The following CNNM1 variants were observed in gnomAD, a reference collection of about 807,000 sequenced individuals.
The protein encoded by CNNM1 is cyclin and CBS domain divalent metal cation transport mediator 1.
CNNM1 carries 44 observed loss-of-function variants against 78.8 expected under a neutral mutation model. The observed-to-expected ratio is 0.56, with a 90% CI of 0.44 to 0.72. CNNM1 has a LOEUF of 0.72. Among genes scored for constraint, CNNM1 ranks in the 30% least tolerant of loss-of-function variants. The pLI, the probability that CNNM1 is intolerant of heterozygous loss-of-function variation, is 0.00. For missense variants in CNNM1, 1,101 were observed against 1,292.2 expected (o/e 0.85, Z 2.27); for synonymous variants, 584 against 581.5 (o/e 1.00, Z -0.06).
intron 6 of CNNM1, among the ~76,000 whole-genome samples, chr10:99,367,261 C>A (rs1038912620): frequency 6.6e-6 from 1 of 152,162 alleles, no homozygotes; most frequent in African/African-American, 2.4e-5. Context: ...AGCCCCGTCC[C>A]CCTATGCTTG....
At chr10:99,390,227 T>G (rs1213766647) in intron 9 of CNNM1, 79 bp from the exon 10 acceptor site, 3 of 1,014,312 alleles carry the variant, frequency 3.0e-6, no homozygotes, top group Non-Finnish European at 4.5e-6. Context: ...CTGAGGGATG[T>G]CATCACTCAG....
In CNNM1 at chr10:99,391,859, C is replaced by G; in HGVS notation, c.*343C>G. The G allele has an allele frequency of 4.3e-6, 1 of 230,774 alleles. No homozygotes were observed. The highest frequency in any genetic ancestry group is 8.6e-6 in the Non-Finnish European group (1 of 116,866). 14.3% of individuals were successfully genotyped at this position (230,774 alleles called of 1,614,324 possible). A position where few individuals can be genotyped will look rare whatever the true frequency, so the allele number is the denominator to read the frequency against. On this transcript the variant is annotated 3_prime_UTR_variant, in exon 11 of 11. Coordinates refer to ENST00000356713, the MANE Select transcript of CNNM1 (RefSeq NM_020348.3). ...GATGCTCTTCTTTGTTCTTTGGGTC[C>G]CCTGATGCCATAGGAGACCTATCGT...
intron 2 of CNNM1, among the ~76,000 whole-genome samples, chr10:99,359,038 A>T (rs1479521130): frequency 1.8e-5 from 2 of 113,388 alleles, no homozygotes; most frequent in African/African-American, 3.1e-5. Flanking sequence ...AAAAAAAAAA[A>T]TCCCAGGTGT....
At chr10:99,356,505 A>G (rs1268456311) in intron 1 of CNNM1, among the ~76,000 whole-genome samples, 1 of 149,364 alleles carries the variant, frequency 6.7e-6, no homozygotes, top group Admixed American at 6.7e-5. Flanking sequence ...AGAGAGAGAG[A>G]GAGAGAAAGA....
chr10:99,364,754 T>A (rs1404755326), intron 5 of CNNM1, among the ~76,000 whole-genome samples: 1 of 152,198 alleles, frequency 6.6e-6, no homozygotes, highest in Non-Finnish European at 1.5e-5. Flanking sequence ...TATTGTCAAG[T>A]GTTAGGGATC....
chr10:99,356,415 G>A (rs2031148326), intron 1 of CNNM1, among the ~76,000 whole-genome samples: 1 of 151,686 alleles, frequency 6.6e-6, no homozygotes, highest in Non-Finnish European at 1.5e-5. Context: ...GGCGGAGGTT[G>A]CAGTGAGCTG....
intron 1 of CNNM1, among the ~76,000 whole-genome samples, chr10:99,350,960 G>A (rs2030922899): frequency 6.6e-6 from 1 of 152,222 alleles, no homozygotes. Context: ...CCCAAGTTGT[G>A]ACAACCAGAT....
chr10:99,376,339 A>G (rs1163733409), intron 6 of CNNM1, among the ~76,000 whole-genome samples: 1 of 152,232 alleles, frequency 6.6e-6, no homozygotes, highest in Non-Finnish European at 1.5e-5. Flanking sequence ...CATGGTTGCT[A>G]TGAACATTTG....
intron 7 of CNNM1, among the ~76,000 whole-genome samples, chr10:99,381,691 G>A (rs780614404): frequency 1.3e-5 from 2 of 150,998 alleles, no homozygotes; most frequent in Non-Finnish European, 2.9e-5. Flanking sequence ...GCGGTGAGCC[G>A]AGATCGGCGC....
intron 1 of CNNM1, among the ~76,000 whole-genome samples, chr10:99,333,803 T>A (rs2030040063): frequency 6.6e-6 from 1 of 152,206 alleles, no homozygotes. Flanking sequence ...ACACACTGCC[T>A]TGTAAATAGT....
chr10:99,346,873 G>A (rs2030718096), intron 1 of CNNM1, among the ~76,000 whole-genome samples: 2 of 151,896 alleles, frequency 1.3e-5, no homozygotes, highest in Middle Eastern at 3.4e-3. Flanking sequence ...GCCTCCCAAA[G>A]TGCTGGGATT....
intron 7 of CNNM1, among the ~76,000 whole-genome samples, chr10:99,381,695 TC>T (rs2032166487): frequency 6.7e-6 from 1 of 150,036 alleles, no homozygotes; most frequent in South Asian, 2.1e-4. Flanking sequence ...TGAGCCGAGA[TC>T]GGCGCCACTG....
intron 1 of CNNM1, among the ~76,000 whole-genome samples, chr10:99,347,338 G>A (rs2030738289): frequency 6.6e-6 from 1 of 151,824 alleles, no homozygotes; most frequent in South Asian, 2.1e-4. Context: ...GGCCAAGATG[G>A]TGAAACCCCA....
At chr10:99,384,829 G>T (rs2032259346) in intron 7 of CNNM1, among the ~76,000 whole-genome samples, 1 of 152,142 alleles carries the variant, frequency 6.6e-6, no homozygotes, top group Non-Finnish European at 1.5e-5. Flanking sequence ...ACTTTGGGAG[G>T]CTGAGGAGGG....
At chr10:99,348,608 G>T (rs1250689453) in intron 1 of CNNM1, among the ~76,000 whole-genome samples, 2 of 152,202 alleles carry the variant, frequency 1.3e-5, no homozygotes, top group Non-Finnish European at 2.9e-5. Context: ...ATGACTTAGG[G>T]TAACTAGAGT....
At chr10:99,339,849 T>A (rs1166592086) in intron 1 of CNNM1, among the ~76,000 whole-genome samples, 3 of 152,252 alleles carry the variant, frequency 2.0e-5, no homozygotes, top group Admixed American at 2.0e-4. Context: ...CCGTAGCTAT[T>A]TTTGCAGGAA....
chr10:99,388,813 C>T (rs1027821093), intron 9 of CNNM1, among the ~76,000 whole-genome samples: 1 of 152,206 alleles, frequency 6.6e-6, no homozygotes, highest in Non-Finnish European at 1.5e-5. Flanking sequence ...AGCCATCATT[C>T]TAACTAGCTG....
chr10:99,337,009 TTA>T (rs2030218424), intron 1 of CNNM1, among the ~76,000 whole-genome samples: 1 of 152,308 alleles, frequency 6.6e-6, no homozygotes, highest in East Asian at 1.9e-4. Flanking sequence ...ACTTAACTGT[TTA>T]TGTCTGTTTC....
chr10:99,333,266 A>C (rs909549865), intron 1 of CNNM1, among the ~76,000 whole-genome samples: 1 of 152,210 alleles, frequency 6.6e-6, no homozygotes, highest in Non-Finnish European at 1.5e-5. Flanking sequence ...AGCAGTTAAG[A>C]TAGTGTCTCA....
Sources: allele counts gnomAD v4.1 joint callset (sites outside exome capture counted in the v4.1 genomes callset), GRCh38; gene constraint gnomAD v4.1.1; transcripts MANE v1.5; gene names NCBI Gene and HGNC (gene_info 2026-07-23, HGNC 2026-07-21).